The following SLC35F3 variants were observed in gnomAD, a reference collection of about 807,000 sequenced individuals.
SLC35F3 encodes putative thiamine transporter SLC35F3.
SLC35F3 carries 25 observed loss-of-function variants against 49.9 expected under a neutral mutation model. The observed-to-expected ratio is 0.50, with a 90% CI of 0.37 to 0.70. The LOEUF (loss-of-function observed/expected upper bound fraction) is 0.70. SLC35F3 is among the 30% of genes least tolerant of loss of function. The pLI is 0.00. For missense variants in SLC35F3, 525 were observed against 639.8 expected, an observed-to-expected ratio of 0.82 and a Z score of 1.94; for synonymous variants, 275 against 265.4, an observed-to-expected ratio of 1.04 and a Z score of -0.35.
At chr1:234,209,375 C>A (rs1033524277) in intron 2 of SLC35F3, among the ~76,000 whole-genome samples, 1 of 151,840 alleles carries the variant, frequency 6.6e-6, no homozygotes, top group Non-Finnish European at 1.5e-5. Context: ...AAAAAAAAAG[C>A]TCCAGTGAAG....
chr1:233,971,288 A>G (rs1662987505), intron 2 of SLC35F3, among the ~76,000 whole-genome samples: 1 of 152,250 alleles, frequency 6.6e-6, no homozygotes, highest in Admixed American at 6.5e-5. Context: ...ACTGAACCTC[A>G]TTACGAAGGA....
At chr1:234,149,595 G>A (rs1233347347) in intron 2 of SLC35F3, among the ~76,000 whole-genome samples, 1 of 152,050 alleles carries the variant, frequency 6.6e-6, no homozygotes, top group Non-Finnish European at 1.5e-5. Flanking sequence ...CCAAAGAGAG[G>A]CATCCCTAAT....
chr1:234,242,959 A>T (rs6659582), intron 3 of SLC35F3, among the ~76,000 whole-genome samples: 9,563 of 152,272 alleles, frequency 0.063, 314 homozygotes, highest in African/African-American at 0.09. Flanking sequence ...AAAGACTTTA[A>T]GTGTTTCACC....
chr1:234,208,270 G>A (rs925216144), intron 2 of SLC35F3, among the ~76,000 whole-genome samples: 9 of 152,296 alleles, frequency 5.9e-5, no homozygotes, highest in East Asian at 3.9e-4. Context: ...TATTGGAATC[G>A]TAAAGTGGGA....
chr1:233,991,440 A>G (rs1311610869), intron 2 of SLC35F3, among the ~76,000 whole-genome samples: 1 of 152,148 alleles, frequency 6.6e-6, no homozygotes, highest in Admixed American at 6.6e-5. Context: ...ATGGAAGAAA[A>G]AAAAAGAAAA....
At chr1:234,199,220 C>A (rs1313452122) in intron 2 of SLC35F3, among the ~76,000 whole-genome samples, 1 of 151,744 alleles carries the variant, frequency 6.6e-6, no homozygotes, top group Non-Finnish European at 1.5e-5. Flanking sequence ...AGAGTGAGAC[C>A]CTGTCTCGAA....
intron 2 of SLC35F3, among the ~76,000 whole-genome samples, chr1:234,005,168 A>G (rs2102834544): frequency 6.6e-6 from 1 of 152,318 alleles, no homozygotes. Flanking sequence ...GTCTCCTGAA[A>G]AAACCTAACC....
intron 2 of SLC35F3, among the ~76,000 whole-genome samples, chr1:234,042,471 A>G (rs1422276700): frequency 6.6e-6 from 1 of 152,208 alleles, no homozygotes; most frequent in African/African-American, 2.4e-5. Flanking sequence ...CCAAAGAATA[A>G]AAAGAATCCA....
At chr1:234,147,885 G>A (rs1377333351) in intron 2 of SLC35F3, among the ~76,000 whole-genome samples, 1 of 152,226 alleles carries the variant, frequency 6.6e-6, no homozygotes, top group Admixed American at 6.5e-5. Flanking sequence ...TGGACCTGGT[G>A]ATTGGCATCT....
chr1:233,944,964 G>T (rs1662490692), intron 2 of SLC35F3, among the ~76,000 whole-genome samples: 1 of 151,910 alleles, frequency 6.6e-6, no homozygotes, highest in Non-Finnish European at 1.5e-5. Context: ...GCTATTGGTT[G>T]TGCATCCTAG....
At chr1:234,077,703 G>T (rs564264283) in intron 2 of SLC35F3, among the ~76,000 whole-genome samples, 1 of 152,114 alleles carries the variant, frequency 6.6e-6, no homozygotes, top group Non-Finnish European at 1.5e-5. Flanking sequence ...CTTTGGGCAG[G>T]CGGTGGGTTC....
chr1:233,955,895 T>A (rs1662692249), intron 2 of SLC35F3, among the ~76,000 whole-genome samples: 1 of 140,540 alleles, frequency 7.1e-6, no homozygotes, highest in Admixed American at 7.1e-5. Flanking sequence ...TTTTTTTTTT[T>A]TTTTTTTTTT....
At chr1:233,924,538 T>C (rs939088877) in intron 2 of SLC35F3, among the ~76,000 whole-genome samples, 4 of 151,978 alleles carry the variant, frequency 2.6e-5, no homozygotes, top group African/African-American at 4.8e-5. Flanking sequence ...TCTTTATTAG[T>C]CTTGCTAGCA....
chr1:234,004,288 C>CTT (rs1160151850), intron 2 of SLC35F3, among the ~76,000 whole-genome samples: 10 of 152,130 alleles, frequency 6.6e-5, no homozygotes, highest in Admixed American at 1.3e-4. Context: ...TGAATGAGAG[C>CTT]TGTCCTTTCA....
chr1:233,993,562 C>T (rs1301099687), intron 2 of SLC35F3, among the ~76,000 whole-genome samples: 1 of 152,150 alleles, frequency 6.6e-6, no homozygotes, highest in Non-Finnish European at 1.5e-5. Flanking sequence ...GTGCTAAGGG[C>T]CCATTGAGGG....
chr1:234,295,885 G>C (rs758995191), intron 3 of SLC35F3, among the ~76,000 whole-genome samples: 67 of 152,322 alleles, frequency 4.4e-4, no homozygotes, highest in Admixed American at 7.8e-4. Context: ...CTGAGTCTGA[G>C]TTCCAACTTC....
intron 2 of SLC35F3, among the ~76,000 whole-genome samples, chr1:234,053,134 T>C (rs1360792733): frequency 6.6e-6 from 1 of 152,202 alleles, no homozygotes; most frequent in Admixed American, 6.5e-5. Flanking sequence ...GGTGGAGAGT[T>C]CTGTAGACGT....
chr1:234,012,161 G>C (rs956816235), intron 2 of SLC35F3, among the ~76,000 whole-genome samples: 3 of 152,208 alleles, frequency 2.0e-5, no homozygotes, highest in Non-Finnish European at 4.4e-5. Flanking sequence ...ATTTCTCTCT[G>C]CCCAAACATC....
intron 2 of SLC35F3, among the ~76,000 whole-genome samples, chr1:234,138,165 T>A (rs755462594): frequency 1.3e-5 from 2 of 152,230 alleles, no homozygotes; most frequent in Non-Finnish European, 2.9e-5. Context: ...AACTTTAGGT[T>A]ACACTATATA....
Sources: allele counts gnomAD v4.1 joint callset (sites outside exome capture counted in the v4.1 genomes callset), GRCh38; gene constraint gnomAD v4.1.1; transcripts MANE v1.5; gene names NCBI Gene and HGNC (gene_info 2026-07-23, HGNC 2026-07-21).